Variants in AATK observed in about 807,000 individuals in gnomAD.
AATK encodes serine/threonine-protein kinase LMTK1.
AATK carries 91 observed loss-of-function variants against 114.3 expected under a neutral mutation model. The ratio of observed to expected loss-of-function variants is 0.80; its 90% CI spans 0.67 to 0.95. AATK has a LOEUF of 0.95. AATK is among the 40% of genes least tolerant of loss of function. The pLI, the probability that AATK is intolerant of heterozygous loss-of-function variation, is 0.00. For synonymous variants in AATK, 1,075 were observed against 916.5 expected, an observed-to-expected ratio of 1.17 and a Z score of -3.12; for missense variants, 2,176 against 1,965.2, an observed-to-expected ratio of 1.11 and a Z score of -2.03.
In AATK at chr17:81,131,219, C is replaced by A. The variant is rs775362265; in HGVS notation, c.190-14G>T. On this transcript the variant is annotated splice_polypyrimidine_tract_variant and intron_variant, in intron 2 of 13. Transcript: ENST00000326724. ...ATTCTCAAACTCCTGCGGGCCGGGC[C>A]GGGCATGAGCGGGGCTTCTCGCAGG... is the stretch of plus-strand genomic sequence containing the variant. 1.9e-6 allele frequency: 3 copies of A among 1,560,558 alleles called. No homozygotes were observed. In the East Asian group the frequency reaches 7.0e-5, roughly 36 times the overall value.
rs536798430 is a variant in AATK at position 81,141,179 on chromosome 17, G to A, written c.56-6678C>T. On this transcript the variant is annotated intron_variant, in intron 1 of 13. Coordinates refer to ENST00000326724, the MANE Select transcript of AATK (RefSeq NM_001080395.3). ...ATGAAAGTGACTTTCGGCCGGGCGC[G>A]GTGGCTCACACCTGTAATCCCACCA... 5.7e-4 allele frequency among the ~76,000 whole-genome samples: 87 copies of A among 152,314 alleles called. 1 individual carries two copies. The highest frequency in any genetic ancestry group is 1.9e-3 in the African/African-American group (81 of 41,546).
intron 5 of AATK, 53 bp downstream of exon 5, chr17:81,127,735 GGGGA>G (rs2060866454): frequency 2.0e-6 from 3 of 1,523,886 alleles, no homozygotes; most frequent in East Asian, 2.4e-5. Flanking sequence ...GGGCCGAGCA[GGGGA>G]GGGAGAGGAG....
chr17:81,120,543 C>T lies in AATK; in HGVS notation c.3393G>A (p.Lys1131=). 6 of 1,489,664 alleles carry T rather than the reference C, an allele frequency of 4.0e-6. No individual in the cohort carries two copies. Among genetic ancestry groups the T allele is most frequent in the Non-Finnish European group, 5.4e-6 (6 of 1,119,252 alleles). 92.3% of individuals were successfully genotyped at this position (1,489,664 alleles called of 1,614,324 possible). Reference sequence around the variant, plus strand: ...TGGGGGTGCCTGGGCCCCCCATCCGCTTTTGTGGGGCCGGCCCTGACAACA... The same window carrying T: ...TGGGGGTGCCTGGGCCCCCCATCCGTTTTTGTGGGGCCGGCCCTGACAACA... ...PGLLSGPAPQ[K]RMGGPGTPRA... The change falls in exon 11 of 14, where the codon AAG becomes AAA. Residue 1131 remains lysine, a synonymous_variant. Transcript: ENST00000326724.
At chr17:81,150,532 A>G (rs1230401724) in intron 1 of AATK, among the ~76,000 whole-genome samples, 3 of 151,496 alleles carry the variant, frequency 2.0e-5, no homozygotes, top group Non-Finnish European at 4.4e-5. Flanking sequence ...AGCCGCCCAG[A>G]TCCTCCCAGA....
At chr17:81,123,580 G>A (rs2060731957) in intron 9 of AATK, among the ~76,000 whole-genome samples, 1 of 152,218 alleles carries the variant, frequency 6.6e-6, no homozygotes, top group African/African-American at 2.4e-5. Context: ...AGGCCGGGCT[G>A]GCCGAATCCA....
intron 1 of AATK, among the ~76,000 whole-genome samples, chr17:81,146,083 G>T (rs1003960324): frequency 3.3e-5 from 5 of 151,998 alleles, no homozygotes; most frequent in African/African-American, 9.7e-5. Context: ...CAGCTACTTG[G>T]GAGGCTGAGG....
chr17:81,120,128 G>C (rs1190444739), intron 11 of AATK, 45 bp from the exon 12 acceptor site: 5 of 1,480,436 alleles, frequency 3.4e-6, no homozygotes, highest in Non-Finnish European at 4.5e-6. Context: ...GCCAGGAGCC[G>C]CGGCCGCTCC....
chr17:81,163,514 C>T (rs527705847), intron 1 of AATK, among the ~76,000 whole-genome samples: 5 of 152,330 alleles, frequency 3.3e-5, no homozygotes, highest in Admixed American at 2.0e-4. Context: ...GTGAGTAGTC[C>T]GAGGCCACAC....
Position 81,121,348 on chromosome 17 carries a change from G to C in AATK, c.2588C>G (p.Thr863Arg). Reference protein sequence around the residue: ...VEAPSSEDEDTAEATSGIFTD... With the variant: ...VEAPSSEDEDRAEATSGIFTD... ...GAAGATGCCTGAGGTGGCCTCGGCC[G>C]TGTCCTCATCCTCACTGCTGGGTGC... The change falls in exon 11 of 14, where the codon ACG becomes AGG. Residue 863 changes from threonine to arginine, a missense_variant. Physicochemically the swap from Thr to Arg is moderately conservative, Grantham distance 71. This residue lies in a region of AATK where 1,701 missense variants were observed against 1,394.7 expected (regional missense o/e 1.22). Coordinates refer to ENST00000326724, the MANE Select transcript of AATK (RefSeq NM_001080395.3). 1 of 1,611,990 alleles carries C rather than the reference G, an allele frequency of 6.2e-7. No individual in the cohort carries two copies. The highest frequency in any genetic ancestry group is 8.5e-7 in the Non-Finnish European group (1 of 1,179,670).
chr17:81,166,210 C>G lies in AATK; in HGVS notation c.-218G>C, dbSNP rs1218671998. ...CCGGCCCTGGCGCCGCGGGGCTCCGCTGGTGCAGTCCGAAAACGCGGGCGG... is the reference window on the plus strand; with the variant it reads ...CCGGCCCTGGCGCCGCGGGGCTCCGGTGGTGCAGTCCGAAAACGCGGGCGG... On this transcript the variant is annotated 5_prime_UTR_variant, in exon 1 of 14. Coordinates refer to ENST00000326724, the MANE Select transcript of AATK (RefSeq NM_001080395.3). The G allele has an allele frequency of 6.9e-6, 1 of 144,260 alleles. No individual in the cohort carries two copies. The highest frequency in any genetic ancestry group is 1.4e-5 in the Non-Finnish European group (1 of 70,186). 8.9% of individuals were successfully genotyped at this position (144,260 alleles called of 1,614,324 possible). A position where few individuals can be genotyped will look rare whatever the true frequency, so the allele number is the denominator to read the frequency against.
At chr17:81,160,782 G>A (rs1202714555) in intron 1 of AATK, among the ~76,000 whole-genome samples, 9 of 152,254 alleles carry the variant, frequency 5.9e-5, no homozygotes, top group East Asian at 1.9e-4. Context: ...GGTGGCCCTC[G>A]AGAAAAGCCT....
At chr17:81,165,804 G>A (rs2061481914) in intron 1 of AATK, 134 bp downstream of exon 1, 7 of 1,500,344 alleles carry the variant, frequency 4.7e-6, no homozygotes, top group Non-Finnish European at 6.3e-6. Flanking sequence ...CAGGGGGTCC[G>A]GCTGCTTCTG....
At chr17:81,132,293 T>C (rs2146329354) in intron 2 of AATK, among the ~76,000 whole-genome samples, 1 of 152,290 alleles carries the variant, frequency 6.6e-6, no homozygotes, top group Non-Finnish European at 1.5e-5. Flanking sequence ...GCACCCGGGC[T>C]GGTGAGTCCG....
chr17:81,123,161 T>C, intron 10 of AATK, 33 bp downstream of exon 10: 1 of 1,408,566 alleles, frequency 7.1e-7, no homozygotes, highest in South Asian at 1.5e-5. Flanking sequence ...CATCTCGGCC[T>C]GGCTGTCCGG....
Position 81,118,015 on chromosome 17 carries a change from C to T in AATK, c.*387G>A, listed in dbSNP as rs542242062. The T allele has an allele frequency of 1.5e-4, 30 of 199,502 alleles. No homozygotes were observed. The highest frequency in any genetic ancestry group is 6.5e-4 in the African/African-American group (28 of 43,192). 12.4% of individuals were successfully genotyped at this position (199,502 alleles called of 1,614,324 possible). A position where few individuals can be genotyped will look rare whatever the true frequency, so the allele number is the denominator to read the frequency against. ...CTGGTTTAAGTGTCCTGTGAGCACA[C>T]CGGAGGAGCTGCCGGATGGGGCATG... On this transcript the variant is annotated 3_prime_UTR_variant, in exon 14 of 14. Transcript: ENST00000326724.
Position 81,118,382 on chromosome 17 carries a change from G to A in AATK, c.*20C>T. On this transcript the variant is annotated 3_prime_UTR_variant, in exon 14 of 14. Transcript: ENST00000326724. Reference sequence around the variant, plus strand: ...GGGCTCCGGTGACGCCAGCCTTGAGGGGCAGGAGCTGCCCAGGTCTCAAGC... The same window carrying A: ...GGGCTCCGGTGACGCCAGCCTTGAGAGGCAGGAGCTGCCCAGGTCTCAAGC... The A allele has an allele frequency of 3.1e-6, 5 of 1,601,298 alleles. No homozygotes were observed. The highest frequency in any genetic ancestry group is 1.7e-4 in the Middle Eastern group (1 of 6,044).
At position 81,121,452 on chromosome 17, in the gene AATK, C is replaced by A. The variant is rs116168676; in HGVS notation, c.2484G>T (p.Thr828=). The stretch of plus-strand genomic sequence containing the variant: ...CAGACACCTCGCCACCAGTAGCAGG[C>A]GTGGGAGAGTCAGGCAGGGCATCAG... ...DAPDALPDSP[T]PATGGEVSAI... The change falls in exon 11 of 14, where the codon ACG becomes ACT. Residue 828 remains threonine (T), a synonymous_variant. Coordinates refer to ENST00000326724, the MANE Select transcript of AATK (RefSeq NM_001080395.3). The A allele has an allele frequency of 8.2e-5, 131 of 1,592,128 alleles. No homozygotes were observed. The highest frequency in any genetic ancestry group is 2.4e-4 in the Admixed American group (14 of 57,802).
chr17:81,118,528 G>A (rs1328705828), intron 13 of AATK, 86 bp from the exon 14 acceptor site: 2 of 1,439,606 alleles, frequency 1.4e-6, no homozygotes, highest in Non-Finnish European at 1.9e-6. Context: ...CTCCATCCCT[G>A]GCCCACATAC....
rs774266497 is a variant in AATK, at chr17:81,120,921, G to GGCCTCA, written c.3009_3014dup (p.Glu1006_Ala1007dup). 9 of 1,599,648 alleles carry GGCCTCA rather than the reference G, an allele frequency of 5.6e-6. No homozygotes were observed. The highest frequency in any genetic ancestry group is 4.5e-5 in the East Asian group (2 of 44,226). ...TCTTCTCTGGGCCTGAGGTGGCCTC[G>GGCCTCA]GCCTCAGCCTCGAGGTCTGAGAAGT... On this transcript the variant is annotated inframe_insertion, in exon 11 of 14. Transcript: ENST00000326724.
Sources: allele counts gnomAD v4.1 joint callset (sites outside exome capture counted in the v4.1 genomes callset), GRCh38; gene constraint gnomAD v4.1.1; regional missense constraint gnomAD v4.1.1; transcripts MANE v1.5; gene names NCBI Gene and HGNC (gene_info 2026-07-23, HGNC 2026-07-21).